The following PLCL1 variants were observed in gnomAD, a reference collection of about 807,000 sequenced individuals.
PLCL1 encodes phospholipase C like 1 (inactive).
PLCL1 carries 41 observed loss-of-function variants against 84.4 expected under a neutral mutation model. The observed-to-expected ratio is 0.49, with a 90% confidence interval of 0.38 to 0.63. The LOEUF (loss-of-function observed/expected upper bound fraction) is 0.63, where lower values mean the gene tolerates loss of function less well. PLCL1 is among the 30% of genes least tolerant of loss of function. The pLI is 0.00. For missense variants in PLCL1, 1,206 were observed against 1,367.8 expected, an observed-to-expected ratio of 0.88 and a Z score of 1.87; for synonymous variants, 490 against 488.3, an observed-to-expected ratio of 1.00 and a Z score of -0.05.
intron 3 of PLCL1, among the ~76,000 whole-genome samples, chr2:198,096,151 G>T (rs1693187272): frequency 1.3e-5 from 2 of 152,316 alleles, no homozygotes; most frequent in South Asian, 4.1e-4. Flanking sequence ...GGGCAACCCT[G>T]ATGGGAAAGG....
intron 1 of PLCL1, among the ~76,000 whole-genome samples, chr2:197,813,389 C>T (rs1690628624): frequency 6.6e-6 from 1 of 152,106 alleles, no homozygotes; most frequent in Non-Finnish European, 1.5e-5. Context: ...GAGTTGGAGC[C>T]TCATGCTCCC....
intron 1 of PLCL1, among the ~76,000 whole-genome samples, chr2:198,069,943 A>T (rs1247325475): frequency 6.6e-6 from 1 of 152,198 alleles, no homozygotes; most frequent in Admixed American, 6.5e-5. Context: ...GGATTAGAAG[A>T]CAATGAAAGA....
intron 1 of PLCL1, among the ~76,000 whole-genome samples, chr2:197,943,196 CAAA>C (rs869096042): frequency 0.014 from 1,457 of 104,918 alleles, 25 homozygotes; most frequent in African/African-American, 0.046. Flanking sequence ...GACCCTCTCT[CAAA>C]AAAAAAAAAA....
At chr2:197,976,109 C>T (rs1051795466) in intron 1 of PLCL1, among the ~76,000 whole-genome samples, 3 of 152,164 alleles carry the variant, frequency 2.0e-5, no homozygotes, top group African/African-American at 7.2e-5. Flanking sequence ...ATTCTTCACT[C>T]GTCGTCATTT....
intron 1 of PLCL1, among the ~76,000 whole-genome samples, chr2:197,829,995 A>G (rs147025549): frequency 2.3e-3 from 352 of 152,316 alleles, no homozygotes; most frequent in African/African-American, 8.0e-3. Flanking sequence ...TTGAAACTGG[A>G]ACCTCTTAAA....
rs1354259868 is a variant in PLCL1 at position 197,866,032 on chromosome 2, A to T, written c.240+60693A>T. On this transcript the variant is annotated intron_variant, in intron 1 of 5. Transcript: ENST00000428675. The stretch of plus-strand genomic sequence containing the variant: ...CTCCAAAAAAAAAAAAAAAAAAAAA[A>T]AAAAATATATATATATATATACACA... 3.4e-3 allele frequency among the ~76,000 whole-genome samples: 190 copies of T among 56,210 alleles called. 16 individuals carry two copies. Among genetic ancestry groups the T allele is most frequent in the African/African-American group, 0.02 (152 of 7,738 alleles). 36.9% of individuals were successfully genotyped at this position (56,210 alleles called of 152,430 possible). A position where few individuals can be genotyped will look rare whatever the true frequency, so the allele number is the denominator to read the frequency against.
At chr2:197,916,573 T>TATCATC (rs1260202042) in intron 1 of PLCL1, among the ~76,000 whole-genome samples, 4 of 152,016 alleles carry the variant, frequency 2.6e-5, no homozygotes, top group Admixed American at 2.0e-4. Flanking sequence ...ACTCAATATA[T>TATCATC]ATCATCATCA....
chr2:197,809,000 T>G (rs1690533478), intron 1 of PLCL1, among the ~76,000 whole-genome samples: 1 of 152,162 alleles, frequency 6.6e-6, no homozygotes, highest in Non-Finnish European at 1.5e-5. Flanking sequence ...TGGGTGTTGT[T>G]CATGTCTCAT....
chr2:198,036,258 T>C (rs575177978), intron 1 of PLCL1, among the ~76,000 whole-genome samples: 1 of 152,324 alleles, frequency 6.6e-6, no homozygotes, highest in Non-Finnish European at 1.5e-5. Context: ...CATTGTACCA[T>C]GTGTGTGAAT....
intron 5 of PLCL1, among the ~76,000 whole-genome samples, chr2:198,137,646 C>T (rs1315085911): frequency 6.6e-6 from 1 of 152,056 alleles, no homozygotes; most frequent in Non-Finnish European, 1.5e-5. Context: ...TCATAAGATG[C>T]CAAGAAATAA....
At chr2:197,839,784 A>G (rs753900864) in intron 1 of PLCL1, among the ~76,000 whole-genome samples, 62 of 152,184 alleles carry the variant, frequency 4.1e-4, no homozygotes, top group Admixed American at 1.3e-4. Flanking sequence ...AAAATTATCC[A>G]TATATGATTT....
At chr2:198,141,749 A>G (rs1042869290) in intron 5 of PLCL1, among the ~76,000 whole-genome samples, 2 of 152,174 alleles carry the variant, frequency 1.3e-5, no homozygotes, top group African/African-American at 2.4e-5. Flanking sequence ...GCACTGTCCA[A>G]GGGTGATTCT....
chr2:197,840,990 T>C (rs961415111), intron 1 of PLCL1, among the ~76,000 whole-genome samples: 2 of 152,214 alleles, frequency 1.3e-5, no homozygotes, highest in East Asian at 1.9e-4. Flanking sequence ...TCTTCAACAC[T>C]TCAGGGCTAA....
intron 1 of PLCL1, among the ~76,000 whole-genome samples, chr2:198,026,464 T>TCCTCTC (rs1691268317): frequency 1.3e-5 from 2 of 152,182 alleles, no homozygotes; most frequent in African/African-American, 4.8e-5. Context: ...TGTTATCATT[T>TCCTCTC]CTATGTTACA....
intron 5 of PLCL1, among the ~76,000 whole-genome samples, chr2:198,123,211 C>A (rs988583): frequency 0.04 from 6,012 of 152,068 alleles, 240 homozygotes; most frequent in African/African-American, 0.1. Flanking sequence ...TTACAATAGG[C>A]AAACTATCCC....
At chr2:198,036,673 GT>G (rs550591483) in intron 1 of PLCL1, among the ~76,000 whole-genome samples, 5 of 152,172 alleles carry the variant, frequency 3.3e-5, no homozygotes, top group South Asian at 2.1e-4. Flanking sequence ...TTCCTCCATG[GT>G]TCATACATCA....
At chr2:198,099,424 G>GT (rs1170510060) in intron 3 of PLCL1, among the ~76,000 whole-genome samples, 1 of 151,952 alleles carries the variant, frequency 6.6e-6, no homozygotes, top group Non-Finnish European at 1.5e-5. Context: ...CATCTCATTT[G>GT]TTTTTTCTAT....
chr2:197,867,697 T>C (rs1687575369), intron 1 of PLCL1, among the ~76,000 whole-genome samples: 1 of 152,118 alleles, frequency 6.6e-6, no homozygotes, highest in Non-Finnish European at 1.5e-5. Context: ...CTTCTCTGGC[T>C]GTGGTTTGCT....
At chr2:197,914,518 A>G (rs1688553624) in intron 1 of PLCL1, among the ~76,000 whole-genome samples, 1 of 151,924 alleles carries the variant, frequency 6.6e-6, no homozygotes, top group South Asian at 2.1e-4. Context: ...TTTAGTAGAG[A>G]CGGGGTTTCA....
Sources: allele counts gnomAD v4.1 joint callset (sites outside exome capture counted in the v4.1 genomes callset), GRCh38; gene constraint gnomAD v4.1.1; transcripts MANE v1.5; gene names NCBI Gene and HGNC (gene_info 2026-07-23, HGNC 2026-07-21).